Variants in UNC13C observed in about 807,000 individuals in gnomAD.
UNC13C encodes unc-13 homolog C.
UNC13C carries 174 observed loss-of-function variants against 245.4 expected under a neutral mutation model. That is an observed-to-expected ratio of 0.71 (90% confidence interval 0.63 to 0.80). The LOEUF is 0.80. UNC13C is among the 30% of genes least tolerant of loss of function. The pLI, the probability that UNC13C is intolerant of heterozygous loss-of-function variation, is 0.00. For missense variants in UNC13C, 2,829 were observed against 2,602.9 expected, an observed-to-expected ratio of 1.09 and a Z score of -1.89; for synonymous variants, 992 against 895.1, an observed-to-expected ratio of 1.11 and a Z score of -1.93.
rs1243356325 is a variant in UNC13C, at chr15:54,455,204, T to TCTCTCTCTCTCC, written c.4934-39402_4934-39401insCTCTCTCTCCCT. 5.6e-5 allele frequency among the ~76,000 whole-genome samples: 3 copies of TCTCTCTCTCTCC among 53,810 alleles called. 1 individual carries two copies. In the East Asian group the frequency reaches 2.3e-3, roughly 41 times the overall value. 35.3% of individuals were successfully genotyped at this position (53,810 alleles called of 152,430 possible). A position where few individuals can be genotyped will look rare whatever the true frequency, so the allele number is the denominator to read the frequency against. ...CTCTCTCTCTCTCTCTCTCTCTCTC[T>TCTCTCTCTCTCC]CTATATATATATATATATATATATA... On this transcript the variant is annotated intron_variant, in intron 19 of 32. Transcript: ENST00000260323.
chr15:54,135,753 T>G (rs184266110), intron 2 of UNC13C, among the ~76,000 whole-genome samples: 3 of 152,312 alleles, frequency 2.0e-5, no homozygotes, highest in Non-Finnish European at 4.4e-5. Context: ...GCTTCGTTCT[T>G]TTCTTTAAAG....
chr15:54,208,721 G>A (rs902989574), intron 4 of UNC13C, among the ~76,000 whole-genome samples: 3 of 152,070 alleles, frequency 2.0e-5, no homozygotes, highest in Non-Finnish European at 4.4e-5. Flanking sequence ...GTATTAAATA[G>A]AATGGTAAGG....
intron 2 of UNC13C, among the ~76,000 whole-genome samples, chr15:54,074,860 C>T (rs996679146): frequency 6.9e-6 from 1 of 144,546 alleles, no homozygotes; most frequent in South Asian, 2.2e-4. Flanking sequence ...ATTTGAATAC[C>T]CTTTATTTCT....
intron 19 of UNC13C, among the ~76,000 whole-genome samples, chr15:54,469,207 C>A (rs11633204): frequency 6.6e-6 from 1 of 151,276 alleles, no homozygotes; most frequent in African/African-American, 2.4e-5. Flanking sequence ...GGATTGTGTT[C>A]TCAATTTCTA....
At chr15:54,610,518 A>G (rs373973027) in intron 30 of UNC13C, among the ~76,000 whole-genome samples, 1 of 152,132 alleles carries the variant, frequency 6.6e-6, no homozygotes, top group East Asian at 1.9e-4. Context: ...GTCTTTGTGT[A>G]TTTGTGCAAG....
the UNC13C span, among the ~76,000 whole-genome samples, chr15:53,954,328 C>A: frequency 6.6e-6 from 1 of 152,254 alleles, no homozygotes; most frequent in Admixed American, 6.5e-5. Flanking sequence ...TCTTTCTGAA[C>A]TGTTACTGTT....
At chr15:54,443,428 C>A (rs1016133403) in intron 19 of UNC13C, among the ~76,000 whole-genome samples, 2 of 150,824 alleles carry the variant, frequency 1.3e-5, no homozygotes, top group African/African-American at 4.9e-5. Flanking sequence ...TTTATTATTT[C>A]TTTCTTTCAA....
chr15:54,513,724 A>G (rs1409804855), intron 24 of UNC13C, among the ~76,000 whole-genome samples: 1 of 152,196 alleles, frequency 6.6e-6, no homozygotes, highest in Non-Finnish European at 1.5e-5. Context: ...CGATTTAAGA[A>G]GAAAGCGTAA....
At chr15:54,385,813 A>G (rs1227102058) in intron 17 of UNC13C, among the ~76,000 whole-genome samples, 1 of 152,068 alleles carries the variant, frequency 6.6e-6, no homozygotes, top group Non-Finnish European at 1.5e-5. Context: ...GAACACTCAC[A>G]TGTACCCCAT....
intron 17 of UNC13C, among the ~76,000 whole-genome samples, chr15:54,355,136 G>A (rs1481053629): frequency 6.6e-6 from 1 of 151,572 alleles, no homozygotes; most frequent in Admixed American, 6.6e-5. Flanking sequence ...CTCAACCTTG[G>A]ACTTCTCAGC....
intron 30 of UNC13C, among the ~76,000 whole-genome samples, chr15:54,604,953 A>AAAT (rs978458475): frequency 7.8e-4 from 119 of 152,028 alleles, no homozygotes; most frequent in African/African-American, 2.7e-3. Flanking sequence ...GCAACTTAAA[A>AAAT]AATAAAGTAC....
At chr15:54,446,028 A>G (rs1890794043) in intron 19 of UNC13C, among the ~76,000 whole-genome samples, 1 of 152,162 alleles carries the variant, frequency 6.6e-6, no homozygotes, top group African/African-American at 2.4e-5. Flanking sequence ...CAGTTTTCCC[A>G]GCACCGTTTG....
At chr15:54,611,713 T>C (rs1417489280) in intron 30 of UNC13C, 1 of 152,184 alleles carries the variant, frequency 6.6e-6, no homozygotes, top group Non-Finnish European at 1.5e-5. Flanking sequence ...TAAATCAAGC[T>C]CTCTTAATAC....
chr15:54,450,878 A>G (rs979015626), intron 19 of UNC13C, among the ~76,000 whole-genome samples: 8 of 152,182 alleles, frequency 5.3e-5, no homozygotes, highest in Non-Finnish European at 1.0e-4. Flanking sequence ...TGGGAGCTGT[A>G]GACTGGAGCT....
At chr15:54,531,922 C>G (rs926421032) in intron 25 of UNC13C, among the ~76,000 whole-genome samples, 3 of 152,114 alleles carry the variant, frequency 2.0e-5, no homozygotes, top group African/African-American at 7.2e-5. Context: ...TAAATTGAGT[C>G]ATACAATATG....
intron 30 of UNC13C, among the ~76,000 whole-genome samples, chr15:54,568,820 C>A (rs1328507434): frequency 4.6e-5 from 7 of 152,068 alleles, no homozygotes; most frequent in Non-Finnish European, 1.5e-5. Flanking sequence ...TCATTGTTTC[C>A]TCTTGGATAC....
intron 30 of UNC13C, among the ~76,000 whole-genome samples, chr15:54,575,881 C>A (rs1404709399): frequency 6.6e-6 from 1 of 152,158 alleles, no homozygotes; most frequent in Admixed American, 6.5e-5. Context: ...TGAGGAGAAT[C>A]TGTGAAATAT....
the UNC13C span, among the ~76,000 whole-genome samples, chr15:53,917,181 T>C: frequency 6.6e-6 from 1 of 152,222 alleles, no homozygotes; most frequent in Non-Finnish European, 1.5e-5. Flanking sequence ...CTATGGGTTA[T>C]AACAGCAGGG....
In UNC13C at chr15:54,113,719, G is replaced by A. The variant is rs576041286; in HGVS notation, c.2984-29299G>A. On this transcript the variant is annotated intron_variant, in intron 2 of 32. Coordinates refer to ENST00000260323, the MANE Select transcript of UNC13C (RefSeq NM_001080534.3). ...CACAAGCCTGTTGTCCCAGTTACTC[G>A]GGAGGCTGAGGCAGGAGAATTGCTT... Among the ~76,000 whole-genome samples the A allele has an allele frequency of 3.7e-4, 56 of 152,154 alleles. No homozygotes were observed. The South Asian group carries it at 5.0e-3, about 14-fold the overall frequency.
Sources: allele counts gnomAD v4.1 joint callset (sites outside exome capture counted in the v4.1 genomes callset), GRCh38; gene constraint gnomAD v4.1.1; transcripts MANE v1.5; gene names NCBI Gene and HGNC (gene_info 2026-07-23, HGNC 2026-07-21).